The following GPR149 variants were observed in gnomAD, a reference collection of about 807,000 sequenced individuals.
GPR149 encodes probable G protein-coupled receptor 149.
Under a neutral mutation model 50.2 loss-of-function variants are expected in GPR149, and 50 were observed. That is an observed-to-expected ratio of 1.00 (90% CI 0.79 to 1.26). The LOEUF is 1.26. Among genes scored for constraint, GPR149 ranks in the 50% most tolerant of loss-of-function variants. The pLI, the probability that GPR149 is intolerant of heterozygous loss-of-function variation, is 0.00. For synonymous variants in GPR149, 405 were observed against 358.2 expected (o/e 1.13, Z -1.48); for missense variants, 983 against 895.4 (o/e 1.10, Z -1.25).
intron 3 of GPR149, among the ~76,000 whole-genome samples, chr3:154,404,424 T>C (rs1453506718): frequency 6.6e-6 from 1 of 152,248 alleles, no homozygotes; most frequent in African/African-American, 2.4e-5. Flanking sequence ...TTCTCTGTTA[T>C]ATATTTTTCA....
rs749911245 is a variant in GPR149, at chr3:154,337,704, T to C, written c.2191A>G (p.Ser731Gly). Residue 731 changes from serine to glycine, a missense_variant, in exon 4 of 4, where the codon AGT (serine) becomes GGT (glycine). Physicochemically the swap from Ser to Gly is moderately conservative, Grantham distance 56. Transcript: ENST00000389740. ...YRKREEESKG[S>G] ...CCTGTTAGACCAAATACCCACTAAC[T>C]ACCCTTGCTTTCTTCCTCTCTTTTT... 1 of 1,590,444 alleles carries C rather than the reference T, an allele frequency of 6.3e-7. No individual in the cohort carries two copies. Among genetic ancestry groups the C allele is most frequent in the African/African-American group, 1.3e-5 (1 of 74,398 alleles).
At chr3:154,348,055 C>A (rs549950869) in intron 3 of GPR149, among the ~76,000 whole-genome samples, 6 of 152,082 alleles carry the variant, frequency 3.9e-5, no homozygotes, top group Admixed American at 3.3e-4. Flanking sequence ...TGAGTTAATG[C>A]GTGTGAAATG....
chr3:154,337,518 A>C lies in GPR149; in HGVS notation c.*181T>G, dbSNP rs974716266. Among the ~76,000 whole-genome samples the C allele has an allele frequency of 2.0e-5, 3 of 152,244 alleles. No individual in the cohort carries two copies. Among genetic ancestry groups the C allele is most frequent in the Non-Finnish European group, 4.4e-5 (3 of 68,032 alleles). On this transcript the variant is annotated 3_prime_UTR_variant, in exon 4 of 4. Transcript: ENST00000389740. ...TACCACAGTGTGTGATCTTTAGGTA[A>C]CACATCAAATGCACTTAAGTGTTTA...
intron 3 of GPR149, among the ~76,000 whole-genome samples, chr3:154,399,062 T>C (rs1715360261): frequency 6.6e-6 from 1 of 152,222 alleles, no homozygotes; most frequent in Non-Finnish European, 1.5e-5. Flanking sequence ...GAATCATTAA[T>C]TTAAGAAACA....
chr3:154,385,014 G>A (rs1465762941), intron 3 of GPR149, among the ~76,000 whole-genome samples: 5 of 152,138 alleles, frequency 3.3e-5, no homozygotes, highest in Non-Finnish European at 5.9e-5. Flanking sequence ...TATCTTTTGC[G>A]TGTGATAGTA....
At chr3:154,410,107 A>T (rs2108423116) in intron 3 of GPR149, among the ~76,000 whole-genome samples, 1 of 152,286 alleles carries the variant, frequency 6.6e-6, no homozygotes, top group East Asian at 1.9e-4. Context: ...ATCATCATCC[A>T]ATAATTTTGT....
At chr3:154,415,284 A>G (rs987795467) in intron 3 of GPR149, among the ~76,000 whole-genome samples, 4 of 152,042 alleles carry the variant, frequency 2.6e-5, no homozygotes, top group Admixed American at 6.6e-5. Flanking sequence ...ACAAGCTTTG[A>G]TCCAATGCTA....
rs557516424 is a variant in GPR149 at position 154,378,361 on chromosome 3, T to C, written c.1624-40090A>G. Among the ~76,000 whole-genome samples the C allele has an allele frequency of 4.6e-5, 7 of 152,278 alleles. No individual in the cohort carries two copies. The South Asian group carries it at 1.5e-3, about 32-fold the overall frequency. Reference sequence around the variant, plus strand: ...TGCCCACCTTGGGCTCCCAAAGTGCTGGGATTACAGGTGTAAGCCACCACA... The same window carrying C: ...TGCCCACCTTGGGCTCCCAAAGTGCCGGGATTACAGGTGTAAGCCACCACA... On this transcript the variant is annotated intron_variant, in intron 3 of 3. Coordinates refer to ENST00000389740, the MANE Select transcript of GPR149 (RefSeq NM_001038705.3).
chr3:154,385,151 T>C (rs893899456), intron 3 of GPR149, among the ~76,000 whole-genome samples: 5 of 152,206 alleles, frequency 3.3e-5, no homozygotes, highest in African/African-American at 9.6e-5. Flanking sequence ...GGTGTTTAGA[T>C]ATTTTTAGCT....
intron 3 of GPR149, among the ~76,000 whole-genome samples, chr3:154,406,226 T>C (rs980384579): frequency 2.6e-5 from 4 of 152,170 alleles, no homozygotes; most frequent in Non-Finnish European, 5.9e-5. Context: ...AAATCATTTC[T>C]CTCCTATCAC....
chr3:154,389,303 G>A (rs759421785), intron 3 of GPR149, among the ~76,000 whole-genome samples: 1 of 152,092 alleles, frequency 6.6e-6, no homozygotes, highest in Non-Finnish European at 1.5e-5. Flanking sequence ...TGGAGCAAGT[G>A]TAAAACCAAC....
intron 3 of GPR149, among the ~76,000 whole-genome samples, chr3:154,375,251 T>C (rs970499578): frequency 1.1e-4 from 17 of 152,320 alleles, no homozygotes; most frequent in African/African-American, 3.8e-4. Flanking sequence ...TCTTCAATAG[T>C]TCCATGCCAA....
chr3:154,403,826 A>G (rs1029216458), intron 3 of GPR149, among the ~76,000 whole-genome samples: 5 of 151,746 alleles, frequency 3.3e-5, no homozygotes, highest in Non-Finnish European at 7.4e-5. Flanking sequence ...AATATGATTT[A>G]GGTGGCACTA....
At chr3:154,380,166 C>CAGAGAGAGAGAG (rs57858107) in intron 3 of GPR149, among the ~76,000 whole-genome samples, 2 of 133,698 alleles carry the variant, frequency 1.5e-5, no homozygotes, top group East Asian at 2.3e-4. Context: ...GTGAGAGAGA[C>CAGAGAGAGAGAG]AGAGAGAGAG....
At chr3:154,348,906 A>T (rs1410137395) in intron 3 of GPR149, among the ~76,000 whole-genome samples, 1 of 152,204 alleles carries the variant, frequency 6.6e-6, no homozygotes, top group Non-Finnish European at 1.5e-5. Context: ...GGGAATTTAA[A>T]GGAAACACAA....
chr3:154,340,967 G>A (rs949142555), intron 3 of GPR149, among the ~76,000 whole-genome samples: 2 of 152,062 alleles, frequency 1.3e-5, no homozygotes, highest in African/African-American at 4.8e-5. Flanking sequence ...TGAACTCCCT[G>A]CCTCGGCCTC....
At chr3:154,364,603 A>T (rs1272092614) in intron 3 of GPR149, among the ~76,000 whole-genome samples, 1 of 152,228 alleles carries the variant, frequency 6.6e-6, no homozygotes, top group Non-Finnish European at 1.5e-5. Flanking sequence ...CAAAAGGGAG[A>T]AATAGGCAAG....
intron 3 of GPR149, among the ~76,000 whole-genome samples, chr3:154,374,169 C>CTTTTTTTTTT (rs3069044): frequency 2.2e-4 from 23 of 103,154 alleles, no homozygotes; most frequent in Non-Finnish European, 3.1e-4. Flanking sequence ...CTTTTCTTTT[C>CTTTTTTTTTT]TTTTTTTTTT....
At chr3:154,423,316 C>T (rs932343665) in intron 2 of GPR149, among the ~76,000 whole-genome samples, 26 of 151,768 alleles carry the variant, frequency 1.7e-4, no homozygotes, top group Admixed American at 1.1e-3. Flanking sequence ...GGGTGACAGA[C>T]GAAAGCTACT....
Sources: allele counts gnomAD v4.1 joint callset (sites outside exome capture counted in the v4.1 genomes callset), GRCh38; gene constraint gnomAD v4.1.1; transcripts MANE v1.5; gene names NCBI Gene and HGNC (gene_info 2026-07-23, HGNC 2026-07-21).